Variants in SRFBP1 observed in about 807,000 individuals in gnomAD.
The protein encoded by SRFBP1 is serum response factor-binding protein 1.
In SRFBP1, 47 loss-of-function variants were observed where a neutral mutation model predicts 45.5. The ratio of observed to expected loss-of-function variants is 1.03; its 90% CI spans 0.82 to 1.32. The LOEUF (loss-of-function observed/expected upper bound fraction) is 1.32. SRFBP1 is among the 40% of genes most tolerant of loss of function. The pLI, the probability that SRFBP1 is intolerant of heterozygous loss-of-function variation, is 0.00. For synonymous variants in SRFBP1, 203 were observed against 166.3 expected, an observed-to-expected ratio of 1.22 and a Z score of -1.70; for missense variants, 621 against 484.6, an observed-to-expected ratio of 1.28 and a Z score of -2.64.
At chr5:122,066,077 T>A (rs913740075) in intron 2 of SRFBP1, 1 of 152,108 alleles carries the variant, frequency 6.6e-6, no homozygotes, top group Non-Finnish European at 1.5e-5. Flanking sequence ...AAAACAAAAG[T>A]TGACTCAAGT....
chr5:121,992,640 C>T (rs1416076628), intron 3 of SRFBP1, among the ~76,000 whole-genome samples: 1 of 152,070 alleles, frequency 6.6e-6, no homozygotes, highest in Non-Finnish European at 1.5e-5. Flanking sequence ...TTAATCGCTA[C>T]TTAGGTTCTA....
At chr5:122,019,218 T>G (rs762806654) in intron 4 of SRFBP1, 42 bp from the exon 5 acceptor site, 4 of 1,519,116 alleles carry the variant, frequency 2.6e-6, no homozygotes, top group Non-Finnish European at 3.6e-6. Context: ...AGTGTCATTT[T>G]TATTTCATTC....
In SRFBP1 at chr5:122,070,761, A is replaced by G. The variant is rs537394507; in HGVS notation, n.312-4554A>G. The stretch of plus-strand genomic sequence containing the variant: ...AGTATTTATTACTCAGCCTTATAGC[A>G]CCTCCAGCTAAAAAAGATACAGGAC... On this transcript the variant is annotated intron_variant and non_coding_transcript_variant, in intron 2 of 2. Coordinates refer to the SRFBP1 transcript ENST00000504881. 6.4e-6 allele frequency: 3 copies of G among 465,430 alleles called. No homozygotes were observed. The East Asian group carries it at 9.5e-5, about 15-fold the overall frequency. The allele number at this position is 465,430 out of a possible 1,614,324, so 28.8% of individuals were successfully genotyped here.
intron 1 of SRFBP1, among the ~76,000 whole-genome samples, chr5:121,971,883 G>T (rs764521608): frequency 7.2e-5 from 11 of 151,940 alleles, no homozygotes; most frequent in Admixed American, 1.3e-4. Flanking sequence ...GGGCTTTTTT[G>T]GAATTCATTG....
chr5:122,078,837 T>C (rs958480792), downstream of SRFBP1, among the ~76,000 whole-genome samples: 2 of 152,260 alleles, frequency 1.3e-5, no homozygotes, highest in African/African-American at 4.8e-5. Context: ...TACAAATTTA[T>C]TTCCTACAGT....
intron 4 of SRFBP1, among the ~76,000 whole-genome samples, chr5:121,998,358 C>T (rs1433454933): frequency 1.4e-5 from 2 of 148,120 alleles, no homozygotes. Flanking sequence ...AGTTCATGTC[C>T]TTTGTAGGGA....
At chr5:122,077,046 G>A, downstream of SRFBP1, 1 of 1,604,714 alleles carries the variant, frequency 6.2e-7, no homozygotes, top group Non-Finnish European at 8.5e-7. This position sits in a 1 kb window ranked among gnomAD's most constrained non-coding sequence, Gnocchi z 4.9. Flanking sequence ...ACAACCCGGC[G>A]CCCCCCGCTC....
chr5:121,974,300 T>C lies in SRFBP1; in HGVS notation c.125+16T>C. The C allele has an allele frequency of 1.9e-6, 3 of 1,572,072 alleles. No homozygotes were observed. Among genetic ancestry groups the C allele is most frequent in the Non-Finnish European group, 2.6e-6 (3 of 1,143,308 alleles). On this transcript the variant is annotated intron_variant, in intron 2 of 7. Transcript: ENST00000339397. ...AGTCAAAAAAGTTAGTCATTTAAAG[T>C]AATGATCTTGTGACTAATAAAATGT...
chr5:122,076,036 T>C (rs1754618151), downstream of SRFBP1: 1 of 152,264 alleles, frequency 6.6e-6, no homozygotes, highest in Admixed American at 6.5e-5. Context: ...AAATTAATAA[T>C]TTTGTAACTT....
intron 2 of SRFBP1, 95 bp downstream of exon 2, chr5:121,974,379 G>A (rs1052078897): frequency 3.7e-6 from 3 of 818,944 alleles, no homozygotes; most frequent in Non-Finnish European, 6.0e-6. Flanking sequence ...ATATAGAGAA[G>A]TAATTAAATG....
In SRFBP1 at chr5:122,027,423, A is replaced by G; in HGVS notation, c.*297A>G. 5.6e-6 allele frequency: 1 copy of G among 179,004 alleles called. No homozygotes were observed. The highest frequency in any genetic ancestry group is 1.2e-5 in the Non-Finnish European group (1 of 85,596). 11.1% of individuals were successfully genotyped at this position (179,004 alleles called of 1,614,324 possible). A position where few individuals can be genotyped will look rare whatever the true frequency, so the allele number is the denominator to read the frequency against. Reference sequence around the variant, plus strand: ...ATGTTTGTTTTTGTATTTTTTTTTAAAGTAAATTCAACTTACGCTTATATA... The same window carrying G: ...ATGTTTGTTTTTGTATTTTTTTTTAGAGTAAATTCAACTTACGCTTATATA... On this transcript the variant is annotated 3_prime_UTR_variant, in exon 8 of 8. Transcript: ENST00000339397.
At chr5:122,037,064 A>C (rs902221925) in intron 2 of SRFBP1, among the ~76,000 whole-genome samples, 1 of 151,828 alleles carries the variant, frequency 6.6e-6, no homozygotes, top group South Asian at 2.1e-4. Context: ...ATGCCTGGCT[A>C]ATTTTGTATT....
At chr5:121,980,997 G>T (rs1752397067) in intron 3 of SRFBP1, among the ~76,000 whole-genome samples, 1 of 152,110 alleles carries the variant, frequency 6.6e-6, no homozygotes, top group Non-Finnish European at 1.5e-5. Context: ...TTGAAGAAAT[G>T]ATAACTACTT....
intron 3 of SRFBP1, among the ~76,000 whole-genome samples, chr5:121,984,627 T>G (rs1363380659): frequency 6.6e-6 from 1 of 151,844 alleles, no homozygotes; most frequent in Non-Finnish European, 1.5e-5. Flanking sequence ...ATATACAACA[T>G]CAACATTCCT....
intron 3 of SRFBP1, among the ~76,000 whole-genome samples, chr5:121,993,783 A>C (rs1752661584): frequency 6.6e-6 from 1 of 152,064 alleles, no homozygotes; most frequent in African/African-American, 2.4e-5. Flanking sequence ...ATATCTGTTT[A>C]TCTTTCCCCT....
chr5:122,046,965 G>A (rs1489967282), intron 2 of SRFBP1, among the ~76,000 whole-genome samples: 4 of 152,102 alleles, frequency 2.6e-5, no homozygotes, highest in African/African-American at 9.7e-5. Flanking sequence ...CAGATGAGTA[G>A]GTTGCAGACA....
chr5:121,963,239 A>G (rs1469381990), intron 1 of SRFBP1, among the ~76,000 whole-genome samples: 1 of 152,206 alleles, frequency 6.6e-6, no homozygotes, highest in Non-Finnish European at 1.5e-5. Flanking sequence ...TAAAACTGAA[A>G]TATATTCTCT....
chr5:122,053,010 T>C (rs946866013), intron 2 of SRFBP1, among the ~76,000 whole-genome samples: 2 of 152,128 alleles, frequency 1.3e-5, no homozygotes, highest in African/African-American at 4.8e-5. Context: ...TCCTGGGCCT[T>C]GGAGGAGCCC....
chr5:121,997,152 T>A (rs547046989), intron 4 of SRFBP1, among the ~76,000 whole-genome samples: 1 of 145,498 alleles, frequency 6.9e-6, no homozygotes, highest in African/African-American at 2.6e-5. Context: ...TTCACAGAAT[T>A]GGAAAAAACT....
Sources: gnomAD v4.1 joint callset for allele counts (sites outside exome capture counted in the v4.1 genomes callset) on GRCh38, gnomAD v4.1.1 for gene constraint, Gnocchi (gnomAD v3.1) non-coding constraint, MANE v1.5 for transcripts, NCBI Gene and HGNC (gene_info 2026-07-23, HGNC 2026-07-21) for gene names.